AAGAB: variants seen among roughly 807,000 people sequenced by gnomAD.
AAGAB encodes alpha and gamma adaptin binding protein, also known as alpha- and gamma-adaptin-binding protein p34.
In AAGAB, 38 loss-of-function variants were observed where a neutral mutation model predicts 44.1. The ratio of observed to expected loss-of-function variants is 0.86; its 90% CI spans 0.67 to 1.13. The LOEUF is 1.13. Among genes scored for constraint, AAGAB ranks in the 50% most tolerant of loss-of-function variants. The probability of loss-of-function intolerance (pLI) is 0.00; values close to 1 mark genes in which losing one functional copy is unlikely to be tolerated. For synonymous variants in AAGAB, 131 were observed against 131.8 expected (o/e 0.99, Z 0.04); for missense variants, 450 against 373.8 (o/e 1.20, Z -1.68).
chr15:67,244,411 G>A (rs968072213), intron 1 of AAGAB, among the ~76,000 whole-genome samples: 1 of 152,120 alleles, frequency 6.6e-6, no homozygotes, highest in Non-Finnish European at 1.5e-5. Flanking sequence ...CACAGAATAG[G>A]AGAAAATGTT....
chr15:67,219,180 C>A (rs769178041), intron 5 of AAGAB, among the ~76,000 whole-genome samples: 11 of 152,198 alleles, frequency 7.2e-5, no homozygotes, highest in Admixed American at 1.3e-4. Flanking sequence ...CCACCAGGAA[C>A]CTTTTAAGAC....
At chr15:67,212,769 T>C (rs543002866) in intron 5 of AAGAB, among the ~76,000 whole-genome samples, 1 of 152,366 alleles carries the variant, frequency 6.6e-6, no homozygotes, top group South Asian at 2.1e-4. Context: ...ATATTTTATA[T>C]ACCTATGGCT....
chr15:67,252,685 G>A (rs1424260774), intron 1 of AAGAB, among the ~76,000 whole-genome samples: 2 of 152,072 alleles, frequency 1.3e-5, no homozygotes, highest in Non-Finnish European at 1.5e-5. Context: ...AAGAAAGGAG[G>A]GAAGGGAGAA....
intron 1 of AAGAB, among the ~76,000 whole-genome samples, chr15:67,248,399 AC>A (rs1305241782): frequency 6.6e-6 from 1 of 152,226 alleles, no homozygotes; most frequent in Non-Finnish European, 1.5e-5. Flanking sequence ...ATGGAAATAT[AC>A]AATCCAATCA....
chr15:67,250,117 C>G (rs1964827528), intron 1 of AAGAB, among the ~76,000 whole-genome samples: 1 of 152,124 alleles, frequency 6.6e-6, no homozygotes, highest in Non-Finnish European at 1.5e-5. Context: ...GATGTTAAAA[C>G]TTACATATCT....
intron 1 of AAGAB, among the ~76,000 whole-genome samples, chr15:67,249,278 GC>G (rs1344390662): frequency 6.6e-6 from 1 of 152,110 alleles, no homozygotes; most frequent in African/African-American, 2.4e-5. Flanking sequence ...CAGGTGATCA[GC>G]CCCCCTCGGA....
At chr15:67,224,068 A>G (rs1226323308) in intron 5 of AAGAB, among the ~76,000 whole-genome samples, 1 of 152,166 alleles carries the variant, frequency 6.6e-6, no homozygotes, top group Non-Finnish European at 1.5e-5. Flanking sequence ...ATCACTTATC[A>G]TCTCCTAATA....
chr15:67,209,148 T>C (rs1336561321), intron 6 of AAGAB, among the ~76,000 whole-genome samples: 1 of 152,214 alleles, frequency 6.6e-6, no homozygotes, highest in Non-Finnish European at 1.5e-5. Flanking sequence ...TGCCAAGGTC[T>C]TTTACACAGG....
intron 1 of AAGAB, among the ~76,000 whole-genome samples, chr15:67,253,114 C>T (rs1024117597): frequency 3.9e-5 from 6 of 152,074 alleles, no homozygotes; most frequent in Non-Finnish European, 4.4e-5. Flanking sequence ...GAAAATTATC[C>T]CTATTTTATA....
At position 67,204,161 on chromosome 15, in the gene AAGAB, T is replaced by A; in HGVS notation, c.716-13A>T. On this transcript the variant is annotated splice_polypyrimidine_tract_variant and intron_variant, in intron 7 of 9. Transcript: ENST00000261880. ...TCTAACATGGGATCTGAAATAGGGATTTGTCACATTATCTGTCACGTTATT... is the reference window on the plus strand; with the variant it reads ...TCTAACATGGGATCTGAAATAGGGAATTGTCACATTATCTGTCACGTTATT... The A allele has an allele frequency of 1.3e-6, 2 of 1,534,114 alleles. No homozygotes were observed. Among genetic ancestry groups the A allele is most frequent in the Non-Finnish European group, 9.0e-7 (1 of 1,109,484 alleles).
intron 5 of AAGAB, among the ~76,000 whole-genome samples, chr15:67,216,741 CAG>C (rs1409974203): frequency 6.7e-6 from 1 of 149,852 alleles, no homozygotes; most frequent in East Asian, 1.9e-4. Context: ...AAAAATCGTT[CAG>C]AACCAGTACA....
intron 5 of AAGAB, among the ~76,000 whole-genome samples, chr15:67,222,240 G>GCGCGCGCGCA (rs1555417867): frequency 1.1e-5 from 1 of 88,194 alleles, no homozygotes; most frequent in African/African-American, 3.3e-5. Context: ...ACGCGCGCGC[G>GCGCGCGCGCA]CGCACACACA....
intron 5 of AAGAB, among the ~76,000 whole-genome samples, chr15:67,231,596 G>A (rs1964336353): frequency 1.3e-5 from 2 of 152,300 alleles, no homozygotes; most frequent in South Asian, 2.1e-4. Flanking sequence ...AATGCTGGGT[G>A]TATTACAAGC....
intron 6 of AAGAB, 79 bp from the exon 7 acceptor site, chr15:67,208,737 A>T (rs1963741497): frequency 2.3e-6 from 3 of 1,276,858 alleles, no homozygotes; most frequent in Admixed American, 3.9e-5. Context: ...TCACACTTTC[A>T]GTCCTTGGTT....
At chr15:67,250,715 C>A (rs1007353608) in intron 1 of AAGAB, among the ~76,000 whole-genome samples, 3 of 152,162 alleles carry the variant, frequency 2.0e-5, no homozygotes, top group Admixed American at 1.3e-4. Context: ...CATCCTGAGG[C>A]TTCATTTCCC....
chr15:67,208,063 A>G (rs1201949640), intron 7 of AAGAB, among the ~76,000 whole-genome samples: 2 of 152,234 alleles, frequency 1.3e-5, no homozygotes, highest in Non-Finnish European at 2.9e-5. Context: ...TTTGGACAGC[A>G]TACTGGATTC....
At chr15:67,235,838 T>G (rs1250610923) in intron 4 of AAGAB, 141 bp downstream of exon 4, 6 of 634,228 alleles carry the variant, frequency 9.5e-6, no homozygotes, top group Non-Finnish European at 1.6e-5. Context: ...GATTATAAGA[T>G]TACATCAATG....
At chr15:67,253,671 T>C (rs1221148528) in intron 1 of AAGAB, among the ~76,000 whole-genome samples, 2 of 151,908 alleles carry the variant, frequency 1.3e-5, no homozygotes, top group Non-Finnish European at 2.9e-5. Context: ...GGAGGATCGC[T>C]TGAGCCCAGG....
chr15:67,249,841 C>G (rs4776350), intron 1 of AAGAB, among the ~76,000 whole-genome samples: 32,491 of 152,190 alleles, frequency 0.21, 4,128 homozygotes, highest in East Asian at 0.47. Flanking sequence ...GTTTCTTCAT[C>G]TGCAAAATGG....
Sources: allele counts gnomAD v4.1 joint callset (sites outside exome capture counted in the v4.1 genomes callset), GRCh38; gene constraint gnomAD v4.1.1; transcripts MANE v1.5; gene names NCBI Gene and HGNC (gene_info 2026-07-23, HGNC 2026-07-21).